Variants in ZDHHC15 observed in about 807,000 individuals in gnomAD.
ZDHHC15 encodes the protein zDHHC palmitoyltransferase 15.
ZDHHC15 carries 19 observed loss-of-function variants against 31.7 expected under a neutral mutation model. The ratio of observed to expected loss-of-function variants is 0.60; its 90% CI spans 0.42 to 0.88. The LOEUF (loss-of-function observed/expected upper bound fraction) is 0.88, where lower values mean the gene tolerates loss of function less well. Ranked by LOEUF, ZDHHC15 falls within the 40% of genes least tolerant of loss-of-function variation. The pLI is 0.00. For missense variants in ZDHHC15, 209 were observed against 251.2 expected (o/e 0.83, Z 1.14); for synonymous variants, 103 against 90.0 (o/e 1.14, Z -0.82).
intron 3 of ZDHHC15, among the ~76,000 whole-genome samples, chrX:75,475,239 TGTA>T (rs1275548222): frequency 1.8e-5 from 2 of 111,947 alleles, no homozygotes; most frequent in Non-Finnish European, 3.8e-5. Flanking sequence ...TAAATTATGA[TGTA>T]GTCCAATTTA....
At chrX:75,522,657 C>A (rs1374850773) in intron 1 of ZDHHC15, among the ~76,000 whole-genome samples, 1 of 110,079 alleles carries the variant, frequency 9.1e-6, no homozygotes, top group East Asian at 2.9e-4. Flanking sequence ...GTGGGTAGGG[C>A]AAAGAAATAA....
chrX:75,509,271 T>C (rs180907206), intron 1 of ZDHHC15, among the ~76,000 whole-genome samples: 15 of 112,063 alleles, frequency 1.3e-4, no homozygotes, highest in Admixed American at 1.9e-4. Flanking sequence ...CATATACTCA[T>C]ATGACAAAGG....
Position 75,400,911 on chromosome X carries a change from C to G in ZDHHC15, c.967+16176G>C, listed in dbSNP as rs773557684. Among the ~76,000 whole-genome samples, 8 of 111,610 alleles carry G rather than the reference C, an allele frequency of 7.2e-5. No individual in the cohort carries two copies. The South Asian group carries it at 3.1e-3, about 43-fold the overall frequency. On this transcript the variant is annotated intron_variant, in intron 10 of 11. Coordinates refer to ENST00000373367, the MANE Select transcript of ZDHHC15 (RefSeq NM_144969.3). ...TCCTAAGTGAAGGAGAAATAAGATC[C>G]TTTTCAGATAAGCAATGTTGAAGTA...
At chrX:75,508,295 C>T (rs183050744) in intron 1 of ZDHHC15, among the ~76,000 whole-genome samples, 15 of 61,607 alleles carry the variant, frequency 2.4e-4, no homozygotes, top group Admixed American at 2.4e-3. Context: ...TCCCTCCCCC[C>T]TCCCCCCACC....
At position 75,504,413 on chromosome X, in the gene ZDHHC15, A is replaced by G. The variant is rs767428655; in HGVS notation, c.163+1408T>C. Among the ~76,000 whole-genome samples the G allele has an allele frequency of 5.4e-5, 6 of 111,832 alleles. No individual in the cohort carries two copies. The East Asian group carries it at 1.7e-3, about 31-fold the overall frequency. ...CTATTACATAGAATTGTGAAAATATAATTTGAAGATGAGCAACTGTGGACA... is the reference window on the plus strand; with the variant it reads ...CTATTACATAGAATTGTGAAAATATGATTTGAAGATGAGCAACTGTGGACA... On this transcript the variant is annotated intron_variant, in intron 2 of 11. Coordinates refer to ENST00000373367, the MANE Select transcript of ZDHHC15 (RefSeq NM_144969.3).
chrX:75,455,505 A>G (rs1044670557), intron 3 of ZDHHC15, among the ~76,000 whole-genome samples: 3 of 112,215 alleles, frequency 2.7e-5, no homozygotes, highest in Non-Finnish European at 3.8e-5. Flanking sequence ...AACAAAAGCC[A>G]AAATAGACAA....
At position 75,429,114 on chromosome X, in the gene ZDHHC15, A is replaced by G; in HGVS notation, c.567T>C (p.Ala189=). The part of the protein sequence containing the change: ...AYSVLYCLYI[A]TTVFSYFIKY... ...TGATGAAATAGCTGAAGACTGTCGT[A>G]GCAATGTACAGGCAGTAGAGAACAG... Residue 189 remains alanine, a synonymous_variant, in exon 7 of 12, where the codon GCT becomes GCC. Transcript: ENST00000373367. The G allele has an allele frequency of 8.3e-7, 1 of 1,208,258 alleles. No individual in the cohort carries two copies. Among genetic ancestry groups the G allele is most frequent in the Non-Finnish European group, 1.1e-6 (1 of 894,001 alleles).
chrX:75,408,080 C>G (rs748273054), intron 10 of ZDHHC15, among the ~76,000 whole-genome samples: 1 of 110,076 alleles, frequency 9.1e-6, no homozygotes, highest in Non-Finnish European at 1.9e-5. Flanking sequence ...TGCAGAAGGC[C>G]GCAGGGTCCT....
intron 2 of ZDHHC15, among the ~76,000 whole-genome samples, chrX:75,494,033 C>T: frequency 9.0e-6 from 1 of 111,106 alleles, no homozygotes; most frequent in Middle Eastern, 4.6e-3. Flanking sequence ...TCTAGAAAAC[C>T]CTATCATCTC....
chrX:75,381,516 TC>T (rs2083114385), intron 10 of ZDHHC15, among the ~76,000 whole-genome samples: 1 of 111,733 alleles, frequency 8.9e-6, no homozygotes, highest in African/African-American at 3.3e-5. Flanking sequence ...TCTTTCCAGT[TC>T]TTGTCTCTCC....
intron 10 of ZDHHC15, among the ~76,000 whole-genome samples, chrX:75,386,525 G>C (rs2083181608): frequency 9.0e-6 from 1 of 111,543 alleles, no homozygotes. Context: ...GCCCAGGCTG[G>C]AGTGCAGTTG....
chrX:75,441,428 G>A (rs1393850178), intron 4 of ZDHHC15, among the ~76,000 whole-genome samples: 1 of 111,093 alleles, frequency 9.0e-6, no homozygotes, highest in Admixed American at 9.6e-5. Flanking sequence ...TAAGGAAGGT[G>A]AAATCCTTTT....
intron 11 of ZDHHC15, among the ~76,000 whole-genome samples, chrX:75,374,958 A>G (rs1156698953): frequency 9.0e-6 from 1 of 111,408 alleles, no homozygotes; most frequent in Non-Finnish European, 1.9e-5. Context: ...AGAGATGGAT[A>G]TATTCATTAT....
intron 4 of ZDHHC15, 62 bp from the exon 5 acceptor site, chrX:75,431,582 T>G: frequency 9.9e-7 from 1 of 1,008,685 alleles, no homozygotes; most frequent in Non-Finnish European, 1.4e-6. Context: ...CCTTATATCT[T>G]ACTAGCTTAT....
At chrX:75,461,461 T>A (rs1238761536) in intron 3 of ZDHHC15, among the ~76,000 whole-genome samples, 1 of 110,297 alleles carries the variant, frequency 9.1e-6, no homozygotes, top group East Asian at 2.9e-4. Flanking sequence ...CATGAGAAAA[T>A]CAATTCCAAG....
At chrX:75,504,795 C>T (rs1019812185) in intron 2 of ZDHHC15, among the ~76,000 whole-genome samples, 4 of 111,298 alleles carry the variant, frequency 3.6e-5, no homozygotes, top group South Asian at 3.7e-4. Context: ...GTCATGCATA[C>T]GAATAAGAGG....
In ZDHHC15 at chrX:75,429,105, G is replaced by A; in HGVS notation, c.576C>T (p.Val192=). The A allele has an allele frequency of 8.3e-7, 1 of 1,208,356 alleles. No homozygotes were observed. Among genetic ancestry groups the A allele is most frequent in the African/African-American group, 1.7e-5 (1 of 57,635 alleles). ...TCCAGTATTTGATGAAATAGCTGAA[G>A]ACTGTCGTAGCAATGTACAGGCAGT... is the stretch of plus-strand genomic sequence containing the variant. ...VLYCLYIATT[V]FSYFIKYWRG... is the part of the protein sequence containing the mutation. The change falls in exon 7 of 12, where the codon GTC becomes GTT. Residue 192 remains valine (V), a synonymous_variant. Coordinates refer to ENST00000373367, the MANE Select transcript of ZDHHC15 (RefSeq NM_144969.3).
At position 75,428,590 on chromosome X, in the gene ZDHHC15, C is replaced by A. The variant is rs1020620536; in HGVS notation, c.603+488G>T. Among the ~76,000 whole-genome samples the A allele has an allele frequency of 3.4e-4, 38 of 111,281 alleles. No homozygotes were observed. The Admixed American group carries it at 3.7e-3, about 11-fold the overall frequency. On this transcript the variant is annotated intron_variant, in intron 7 of 11. Coordinates refer to ENST00000373367, the MANE Select transcript of ZDHHC15 (RefSeq NM_144969.3). The stretch of plus-strand genomic sequence containing the variant: ...AAAAAACAAACAAAAAAACCCCTCC[C>A]CATTATGTGAGATAGGTCAGTATAT...
intron 3 of ZDHHC15, among the ~76,000 whole-genome samples, chrX:75,475,402 G>A (rs1000299866): frequency 9.0e-6 from 1 of 111,293 alleles, no homozygotes; most frequent in African/African-American, 3.3e-5. Context: ...TTTATATATG[G>A]TGTGAGGTAA....
Sources: gnomAD v4.1 joint callset for allele counts (sites outside exome capture counted in the v4.1 genomes callset) on GRCh38, gnomAD v4.1.1 for gene constraint, MANE v1.5 for transcripts, NCBI Gene and HGNC (gene_info 2026-07-23, HGNC 2026-07-21) for gene names.